ARHGAP42: variants seen among roughly 807,000 people sequenced by gnomAD.
The protein encoded by ARHGAP42 is Rho GTPase activating protein 42.
Under a neutral mutation model 125.0 loss-of-function variants are expected in ARHGAP42, and 63 were observed. That is an observed-to-expected ratio of 0.50 (90% confidence interval 0.41 to 0.62). The LOEUF is 0.62. Among genes scored for constraint, ARHGAP42 ranks in the 20% least tolerant of loss-of-function variants. The probability of loss-of-function intolerance (pLI) is 0.00; values close to 1 mark genes in which losing one functional copy is unlikely to be tolerated. For synonymous variants in ARHGAP42, 339 were observed against 351.0 expected, an observed-to-expected ratio of 0.97 and a Z score of 0.38; for missense variants, 766 against 1,024.2, an observed-to-expected ratio of 0.75 and a Z score of 3.44.
chr11:100,806,238 T>C (rs753218464), intron 3 of ARHGAP42, among the ~76,000 whole-genome samples: 3 of 152,240 alleles, frequency 2.0e-5, no homozygotes, highest in Non-Finnish European at 2.9e-5. Flanking sequence ...ATTTATGAAG[T>C]AGTAGAATAT....
rs531738451 is a variant in ARHGAP42, at chr11:100,921,967, G to T, written c.597+363G>T. Among the ~76,000 whole-genome samples the T allele has an allele frequency of 3.1e-3, 477 of 151,842 alleles. 3 individuals carry two copies. The highest frequency in any genetic ancestry group is 0.011 in the African/African-American group (443 of 41,318). ...CAAGATGCTAATAAGAGAGGAAGCT[G>T]TTGGCGGGAGGGGGGTGCAGAGGTG... On this transcript the variant is annotated intron_variant, in intron 6 of 23. Coordinates refer to ENST00000298815, the MANE Select transcript of ARHGAP42 (RefSeq NM_152432.4).
At chr11:100,807,398 G>A (rs761165517) in intron 3 of ARHGAP42, among the ~76,000 whole-genome samples, 5 of 152,014 alleles carry the variant, frequency 3.3e-5, no homozygotes, top group Admixed American at 2.0e-4. Flanking sequence ...CTTTCACCAC[G>A]TTGGCAAGGT....
intron 2 of ARHGAP42, among the ~76,000 whole-genome samples, chr11:100,773,045 C>T (rs547820987): frequency 6.6e-6 from 1 of 152,300 alleles, no homozygotes; most frequent in African/African-American, 2.4e-5. Flanking sequence ...CCATGTTGGC[C>T]AAGTTGGTCT....
intron 3 of ARHGAP42, among the ~76,000 whole-genome samples, chr11:100,824,136 C>T (rs571256118): frequency 1.3e-5 from 2 of 152,172 alleles, no homozygotes; most frequent in Admixed American, 1.3e-4. Flanking sequence ...CTTGCATATC[C>T]CCCACCCACC....
chr11:100,806,650 T>G (rs754135310), intron 3 of ARHGAP42, among the ~76,000 whole-genome samples: 84 of 152,156 alleles, frequency 5.5e-4, no homozygotes, highest in Non-Finnish European at 3.8e-4. Flanking sequence ...AGTTCTGATT[T>G]TCACATTTAC....
chr11:100,927,232 A>G (rs1867451766), intron 6 of ARHGAP42, among the ~76,000 whole-genome samples: 1 of 152,216 alleles, frequency 6.6e-6, no homozygotes, highest in Non-Finnish European at 1.5e-5. Flanking sequence ...TTAAAAGTCC[A>G]TCAGCTAGTA....
intron 4 of ARHGAP42, among the ~76,000 whole-genome samples, chr11:100,902,227 G>T (rs774745332): frequency 6.6e-6 from 1 of 152,160 alleles, no homozygotes; most frequent in Non-Finnish European, 1.5e-5. Context: ...AAGCAGTTGT[G>T]CTGTTTAATG....
At chr11:100,837,281 G>A (rs1864810928) in intron 3 of ARHGAP42, among the ~76,000 whole-genome samples, 1 of 151,862 alleles carries the variant, frequency 6.6e-6, no homozygotes, top group Non-Finnish European at 1.5e-5. Flanking sequence ...TTTAACACAG[G>A]TAGACTACTG....
chr11:100,976,227 A>C lies in ARHGAP42; in HGVS notation c.2026A>C (p.Ser676Arg). Residue 676 changes from serine (S) to arginine (R), a missense_variant, in exon 20 of 24, where the codon AGC becomes CGC. Ser to Arg is a moderately radical substitution (Grantham distance 110). This residue lies in a region of ARHGAP42 where 308 missense variants were observed against 369.7 expected (regional missense o/e 0.83). Coordinates refer to ENST00000298815, the MANE Select transcript of ARHGAP42 (RefSeq NM_152432.4). Reference sequence around the variant, plus strand: ...CCCATCATCTTCCAATGGACAGAAAAGCCTTGGTCTGTGGACAACTAGTCC... The same window carrying C: ...CCCATCATCTTCCAATGGACAGAAACGCCTTGGTCTGTGGACAACTAGTCC... ...ATPSSSNGQK[S>R]LGLWTTSPES... The C allele has an allele frequency of 6.4e-7, 1 of 1,551,652 alleles. No individual in the cohort carries two copies. The highest frequency in any genetic ancestry group is 8.7e-7 in the Non-Finnish European group (1 of 1,146,900).
chr11:100,938,156 G>A (rs569529070), intron 8 of ARHGAP42, among the ~76,000 whole-genome samples: 1 of 151,840 alleles, frequency 6.6e-6, no homozygotes, highest in East Asian at 1.9e-4. Context: ...GTAGCCTTGG[G>A]ACAAACCTGT....
At chr11:100,725,685 C>T (rs1276376339) in intron 1 of ARHGAP42, among the ~76,000 whole-genome samples, 2 of 151,658 alleles carry the variant, frequency 1.3e-5, no homozygotes, top group African/African-American at 4.8e-5. Context: ...CGCCTGGAAT[C>T]GCAGCACTTT....
chr11:100,858,138 G>A (rs901429988), intron 3 of ARHGAP42, among the ~76,000 whole-genome samples: 2 of 103,960 alleles, frequency 1.9e-5, no homozygotes, highest in Non-Finnish European at 4.2e-5. Context: ...TGTAATTAGG[G>A]TTTTAATGAG....
At chr11:100,819,718 G>T (rs930807827) in intron 3 of ARHGAP42, among the ~76,000 whole-genome samples, 1 of 152,082 alleles carries the variant, frequency 6.6e-6, no homozygotes, top group Non-Finnish European at 1.5e-5. Flanking sequence ...TTAGAACACT[G>T]CCTGCCAGAT....
chr11:100,953,632 C>A (rs999577301), intron 12 of ARHGAP42, among the ~76,000 whole-genome samples: 1 of 152,052 alleles, frequency 6.6e-6, no homozygotes, highest in Non-Finnish European at 1.5e-5. Context: ...AGTCTTCCTA[C>A]CTTGTATTAA....
chr11:100,844,381 T>C (rs1764057391), intron 3 of ARHGAP42, among the ~76,000 whole-genome samples: 1 of 145,228 alleles, frequency 6.9e-6, no homozygotes, highest in Non-Finnish European at 1.5e-5. Flanking sequence ...TTAGAGATTG[T>C]CTTAGGCAAG....
intron 4 of ARHGAP42, among the ~76,000 whole-genome samples, chr11:100,860,337 C>CGTCTGTCT (rs1488319421): frequency 6.6e-6 from 1 of 152,032 alleles, no homozygotes; most frequent in Non-Finnish European, 1.5e-5. Context: ...TTCCTCTTTA[C>CGTCTGTCT]GTCTGTCTGA....
intron 2 of ARHGAP42, among the ~76,000 whole-genome samples, chr11:100,781,274 C>A (rs1591176935): frequency 6.6e-6 from 1 of 150,846 alleles, no homozygotes; most frequent in Non-Finnish European, 1.5e-5. Context: ...TGGGGAGGAA[C>A]AACATGAACT....
chr11:100,798,464 C>A (rs1483953883), intron 3 of ARHGAP42, among the ~76,000 whole-genome samples: 1 of 152,154 alleles, frequency 6.6e-6, no homozygotes, highest in Non-Finnish European at 1.5e-5. Context: ...CCTCCACCAT[C>A]AAAAAGATTA....
chr11:100,929,492 C>A (rs1867517673), intron 6 of ARHGAP42, among the ~76,000 whole-genome samples: 1 of 152,174 alleles, frequency 6.6e-6, no homozygotes, highest in South Asian at 2.1e-4. Context: ...ATCTGACGAA[C>A]TACCAAAATA....
Sources: gnomAD v4.1 joint callset for allele counts (sites outside exome capture counted in the v4.1 genomes callset) on GRCh38, gnomAD v4.1.1 for gene constraint, gnomAD v4.1.1 regional missense constraint, MANE v1.5 for transcripts, NCBI Gene and HGNC (gene_info 2026-07-23, HGNC 2026-07-21) for gene names.